The following NPLOC4 variants were observed in gnomAD, a reference collection of about 807,000 sequenced individuals.
NPLOC4 encodes the protein NPL4 homolog, ubiquitin recognition factor.
In NPLOC4, 18 loss-of-function variants were observed where a neutral mutation model predicts 80.6. The ratio of observed to expected loss-of-function variants is 0.22; its 90% CI spans 0.15 to 0.33. The LOEUF is 0.33. NPLOC4 is among the 10% of genes least tolerant of loss of function. NPLOC4 has a pLI of 1.00. For missense variants in NPLOC4, 540 were observed against 786.1 expected (o/e 0.69, Z 3.74); for synonymous variants, 313 against 301.5 (o/e 1.04, Z -0.39).
chr17:81,600,015 G>A lies in NPLOC4; in HGVS notation c.921+326C>T, dbSNP rs569679590. ...TGCACAGAGGAGCCAGCAGGGGTGCGGCTGGGGTCTGTTTCCCACTTGAAG... is the reference window on the plus strand; with the variant it reads ...TGCACAGAGGAGCCAGCAGGGGTGCAGCTGGGGTCTGTTTCCCACTTGAAG... On this transcript the variant is annotated intron_variant, in intron 9 of 16. Coordinates refer to ENST00000331134, the MANE Select transcript of NPLOC4 (RefSeq NM_017921.4). Among the ~76,000 whole-genome samples the A allele has an allele frequency of 1.6e-3, 241 of 152,240 alleles. 1 individual carries two copies. The highest frequency in any genetic ancestry group is 5.5e-3 in the African/African-American group (229 of 41,560).
chr17:81,622,097 G>A, intron 3 of NPLOC4, 69 bp downstream of exon 3: 2 of 1,142,842 alleles, frequency 1.8e-6, no homozygotes, highest in South Asian at 1.2e-5. Flanking sequence ...ATAAAACTCG[G>A]CAACCTCGGG....
chr17:81,561,985 G>C (rs985773925), intron 16 of NPLOC4: 19 of 152,412 alleles, frequency 1.2e-4, no homozygotes, highest in African/African-American at 4.6e-4. Flanking sequence ...TGTAATCCCA[G>C]CACTTTGGGA....
intron 9 of NPLOC4, 42 bp from the exon 10 acceptor site, chr17:81,597,358 A>G (rs1034485402): frequency 2.0e-6 from 3 of 1,510,012 alleles, no homozygotes; most frequent in Non-Finnish European, 2.8e-6. Context: ...TCCTCAAGAT[A>G]GACGATGAAT....
At chr17:81,630,705 C>G (rs887892172) in intron 1 of NPLOC4, among the ~76,000 whole-genome samples, 6 of 151,602 alleles carry the variant, frequency 4.0e-5, no homozygotes, top group African/African-American at 1.5e-4. Context: ...ATGGGGAAAC[C>G]CCATCTCTAC....
chr17:81,578,175 A>G (rs62073412), intron 12 of NPLOC4, among the ~76,000 whole-genome samples: 12,545 of 152,174 alleles, frequency 0.082, 589 homozygotes, highest in Middle Eastern at 0.17. Context: ...CTCACTTTCC[A>G]TAAGTCTTTC....
rs1302343232 is a variant in NPLOC4, at chr17:81,629,677, G to A, written c.96+48C>T. ...AGAAAAGGTATCGATGGCAGTAAGA[G>A]TAGAGGATGAAAAATATCCTGAGGG... On this transcript the variant is annotated intron_variant, in intron 2 of 16. Transcript: ENST00000331134. 5 of 1,329,220 alleles carry A rather than the reference G, an allele frequency of 3.8e-6. No homozygotes were observed. In the African/African-American group the frequency reaches 4.4e-5, roughly 12 times the overall value. The allele number at this position is 1,329,220 out of a possible 1,614,324, so 82.3% of individuals were successfully genotyped here.
At chr17:81,566,575 G>A (rs1282561699) in intron 15 of NPLOC4, 3 of 152,238 alleles carry the variant, frequency 2.0e-5, no homozygotes, top group African/African-American at 4.8e-5. Context: ...GAGGCACAGG[G>A]TGCCTGATGT....
intron 12 of NPLOC4, among the ~76,000 whole-genome samples, chr17:81,579,261 C>T (rs2034376000): frequency 6.6e-6 from 1 of 152,120 alleles, no homozygotes; most frequent in Non-Finnish European, 1.5e-5. Flanking sequence ...GCCTGTAATC[C>T]CAAGTACCTG....
chr17:81,594,806 C>T lies in NPLOC4; in HGVS notation c.1120+1310G>A, dbSNP rs1318382939. Among the ~76,000 whole-genome samples the T allele has an allele frequency of 3.9e-5, 6 of 151,904 alleles. No individual in the cohort carries two copies. The East Asian group carries it at 5.8e-4, about 15-fold the overall frequency. On this transcript the variant is annotated intron_variant, in intron 11 of 16. Coordinates refer to ENST00000331134, the MANE Select transcript of NPLOC4 (RefSeq NM_017921.4). ...AAAAAAAAATTAAAAATTAACTGGG[C>T]GTGGTGGCGCACGCGTGTAGTCCCA...
At chr17:81,629,350 C>T (rs1242298741) in intron 2 of NPLOC4, among the ~76,000 whole-genome samples, 3 of 152,000 alleles carry the variant, frequency 2.0e-5, no homozygotes, top group Non-Finnish European at 4.4e-5. Flanking sequence ...TACCACCACG[C>T]CCGACTAATT....
At chr17:81,570,341 T>C (rs1767493920) in intron 13 of NPLOC4, among the ~76,000 whole-genome samples, 1 of 152,158 alleles carries the variant, frequency 6.6e-6, no homozygotes, top group Admixed American at 6.5e-5. Context: ...ACACATAGTG[T>C]TGGTACACAC....
chr17:81,559,454 G>A (rs374544964), intron 16 of NPLOC4, 38 bp from the exon 17 acceptor site: 59 of 1,576,126 alleles, frequency 3.7e-5, no homozygotes, highest in Non-Finnish European at 4.9e-5. Flanking sequence ...CATCATTTCT[G>A]GCCCACCAGA....
At chr17:81,571,004 T>C (rs1214869656) in intron 13 of NPLOC4, among the ~76,000 whole-genome samples, 1 of 152,148 alleles carries the variant, frequency 6.6e-6, no homozygotes, top group Non-Finnish European at 1.5e-5. Flanking sequence ...TTTTAAATCA[T>C]GCCTGCTCCT....
At chr17:81,609,728 A>G (rs572583316) in intron 5 of NPLOC4, among the ~76,000 whole-genome samples, 1 of 152,352 alleles carries the variant, frequency 6.6e-6, no homozygotes, top group East Asian at 1.9e-4. Flanking sequence ...ATGCCACAAG[A>G]TGAGGCAAGA....
chr17:81,606,230 C>T (rs903719669), intron 7 of NPLOC4, among the ~76,000 whole-genome samples: 3 of 152,128 alleles, frequency 2.0e-5, no homozygotes, highest in Admixed American at 2.0e-4. Context: ...TCTAAGGGCA[C>T]AGCGGCAGGA....
At chr17:81,613,528 C>CTAA in intron 3 of NPLOC4, 34 bp from the exon 4 acceptor site, 1 of 1,583,728 alleles carries the variant, frequency 6.3e-7, no homozygotes, top group Non-Finnish European at 8.6e-7. Context: ...TGATGCCTTC[C>CTAA]CTTACCACCT....
At chr17:81,613,278 T>C (rs781619418) in intron 4 of NPLOC4, 40 bp downstream of exon 4, 2 of 1,555,726 alleles carry the variant, frequency 1.3e-6, no homozygotes, top group East Asian at 4.6e-5. Context: ...CCCATTAAGA[T>C]CACCACAAGT....
chr17:81,634,632 C>T (rs925969693), intron 1 of NPLOC4, among the ~76,000 whole-genome samples: 1 of 150,202 alleles, frequency 6.7e-6, no homozygotes, highest in African/African-American at 2.5e-5. Context: ...GTCGCCCAGG[C>T]TGGAGTGCAG....
chr17:81,585,852 G>A (rs1452396643), intron 12 of NPLOC4, among the ~76,000 whole-genome samples: 1 of 151,988 alleles, frequency 6.6e-6, no homozygotes, highest in African/African-American at 2.4e-5. Flanking sequence ...AGGTGGGCAT[G>A]GTAGTGTGCG....
Sources: gnomAD v4.1 joint callset for allele counts (sites outside exome capture counted in the v4.1 genomes callset) on GRCh38, gnomAD v4.1.1 for gene constraint, MANE v1.5 for transcripts, NCBI Gene and HGNC (gene_info 2026-07-23, HGNC 2026-07-21) for gene names.